The following TULP4 variants were observed in gnomAD, a reference collection of about 807,000 sequenced individuals.
TULP4 encodes the protein TUB like protein 4, also known as tubby-related protein 4.
Under a neutral mutation model 129.0 loss-of-function variants are expected in TULP4, and 16 were observed. The observed-to-expected ratio is 0.12, with a 90% CI of 0.08 to 0.19. The LOEUF (loss-of-function observed/expected upper bound fraction) is 0.19, where lower values mean the gene tolerates loss of function less well. Ranked by LOEUF, TULP4 falls within the 10% of genes least tolerant of loss-of-function variation. The pLI, the probability that TULP4 is intolerant of heterozygous loss-of-function variation, is 1.00. For missense variants in TULP4, 1,842 were observed against 2,059.1 expected (o/e 0.89, Z 2.04); for synonymous variants, 998 against 854.0 (o/e 1.17, Z -2.94).
chr6:158,443,068 C>T (rs572844591), intron 3 of TULP4, among the ~76,000 whole-genome samples: 1 of 152,234 alleles, frequency 6.6e-6, no homozygotes, highest in Admixed American at 6.5e-5. Context: ...ACTGCAACCT[C>T]CGCCTCCTGG....
intron 1 of TULP4, among the ~76,000 whole-genome samples, chr6:158,294,353 A>C (rs1198090264): frequency 6.6e-6 from 1 of 150,940 alleles, no homozygotes; most frequent in Admixed American, 6.6e-5. Flanking sequence ...ACAGAGCAAG[A>C]CTCCATCTCA....
At chr6:158,347,476 C>T (rs978635893) in intron 1 of TULP4, among the ~76,000 whole-genome samples, 7 of 152,220 alleles carry the variant, frequency 4.6e-5, no homozygotes, top group Non-Finnish European at 8.8e-5. Context: ...TTCTTTTAGT[C>T]CACATAACGG....
At chr6:158,411,463 A>C (rs964436183) in intron 1 of TULP4, among the ~76,000 whole-genome samples, 2 of 152,208 alleles carry the variant, frequency 1.3e-5, no homozygotes, top group African/African-American at 4.8e-5. Flanking sequence ...ACATCCATGC[A>C]AGGTGAGCCA....
At chr6:158,443,947 C>CGT (rs977040203) in intron 3 of TULP4, among the ~76,000 whole-genome samples, 2 of 151,958 alleles carry the variant, frequency 1.3e-5, no homozygotes, top group Non-Finnish European at 2.9e-5. Flanking sequence ...TGGCCGGGTG[C>CGT]GGTGGCTCAC....
chr6:158,429,851 T>TGGA lies in TULP4; in HGVS notation c.498_500dup (p.Glu167dup). 6.2e-7 allele frequency: 1 copy of TGGA among 1,614,076 alleles called. No homozygotes were observed. Among genetic ancestry groups the TGGA allele is most frequent in the Non-Finnish European group, 8.5e-7 (1 of 1,180,028 alleles). ...AGACACTGGTCATCCGAAATCAACTTGGAAAGTCAAATTACGTGTGGCATA... is the reference window on the plus strand; with the variant it reads ...AGACACTGGTCATCCGAAATCAACTTGGAGGAAAGTCAAATTACGTGTGGCATA... On this transcript the variant is annotated inframe_insertion, in exon 3 of 14. Coordinates refer to ENST00000367097, the MANE Select transcript of TULP4 (RefSeq NM_020245.5).
At chr6:158,429,199 C>T (rs992774230) in intron 2 of TULP4, among the ~76,000 whole-genome samples, 6 of 152,142 alleles carry the variant, frequency 3.9e-5, no homozygotes, top group African/African-American at 7.2e-5. Flanking sequence ...AGTGCAGTGG[C>T]GCTATCTTGG....
intron 6 of TULP4, among the ~76,000 whole-genome samples, chr6:158,466,447 T>TC (rs11397932): frequency 1 from 152,261 of 152,262 alleles, 76,130 homozygotes; most frequent in Non-Finnish European, 1. Context: ...GATTTGCATT[T>TC]CCTAAGGATT....
intron 6 of TULP4, among the ~76,000 whole-genome samples, chr6:158,468,284 T>C (rs1005138600): frequency 6.6e-6 from 1 of 152,240 alleles, no homozygotes; most frequent in African/African-American, 2.4e-5. Flanking sequence ...TAAACTACGC[T>C]GCCTTTCTTT....
intron 6 of TULP4, among the ~76,000 whole-genome samples, chr6:158,474,627 C>T (rs629364): frequency 0.42 from 63,570 of 152,060 alleles, 14,600 homozygotes; most frequent in African/African-American, 0.62. Context: ...TTTTACTTCA[C>T]GGAATTTCAC....
At chr6:158,328,691 CT>C (rs1487018103) in intron 1 of TULP4, among the ~76,000 whole-genome samples, 1 of 152,086 alleles carries the variant, frequency 6.6e-6, no homozygotes, top group Non-Finnish European at 1.5e-5. Context: ...GGAGGAGGGA[CT>C]TTTGCCACTA....
At chr6:158,349,059 G>A (rs763090033) in intron 1 of TULP4, among the ~76,000 whole-genome samples, 87 of 35,988 alleles carry the variant, frequency 2.4e-3, no homozygotes, top group East Asian at 2.9e-3. Flanking sequence ...CTTCCCAGAC[G>A]GGGCGGCCAG....
At chr6:158,346,670 G>A (rs1045825611) in intron 1 of TULP4, among the ~76,000 whole-genome samples, 1 of 152,142 alleles carries the variant, frequency 6.6e-6, no homozygotes, top group African/African-American at 2.4e-5. Flanking sequence ...TCAGTGTTTT[G>A]GGTTCTAAAG....
At chr6:158,329,779 C>G (rs941051273) in intron 1 of TULP4, among the ~76,000 whole-genome samples, 1 of 151,662 alleles carries the variant, frequency 6.6e-6, no homozygotes, top group Non-Finnish European at 1.5e-5. Flanking sequence ...TGCTTGTCTC[C>G]TAGGCCTTAA....
intron 1 of TULP4, among the ~76,000 whole-genome samples, chr6:158,347,818 T>C (rs1257865949): frequency 6.6e-6 from 1 of 152,240 alleles, no homozygotes; most frequent in East Asian, 1.9e-4. Context: ...CCACCTTTTT[T>C]ATCACTATTA....
At chr6:158,359,647 T>C (rs752220479) in intron 1 of TULP4, among the ~76,000 whole-genome samples, 1 of 152,184 alleles carries the variant, frequency 6.6e-6, no homozygotes, top group African/African-American at 2.4e-5. Context: ...AGGGTGGGTC[T>C]GCCTCTCCGA....
At chr6:158,316,564 C>T (rs1455976277) in intron 1 of TULP4, among the ~76,000 whole-genome samples, 2 of 152,202 alleles carry the variant, frequency 1.3e-5, no homozygotes, top group African/African-American at 4.8e-5. Flanking sequence ...ATTTCCCCCC[C>T]TCAACACACA....
Position 158,295,949 on chromosome 6 carries a change from G to A in TULP4, n.116+13571G>A, listed in dbSNP as rs528835269. Among the ~76,000 whole-genome samples, 310 of 152,134 alleles carry A rather than the reference G, an allele frequency of 2.0e-3. 1 individual carries two copies. Among genetic ancestry groups the A allele is most frequent in the African/African-American group, 7.1e-3 (294 of 41,468 alleles). ...CAACACACCTTTGTGTGCCTCTCCC[G>A]GCTCACAATAGCCACCCCCCAAATA... On this transcript the variant is annotated intron_variant and non_coding_transcript_variant, in intron 1 of 1. Transcript: ENST00000432358.
rs1379472061 is a variant in TULP4, at chr6:158,312,559, T to C, written c.-1458T>C. The C allele has an allele frequency of 6.5e-6, 1 of 154,962 alleles. No individual in the cohort carries two copies. Among genetic ancestry groups the C allele is most frequent in the African/African-American group, 2.4e-5 (1 of 41,606 alleles). 9.6% of individuals were successfully genotyped at this position (154,962 alleles called of 1,614,324 possible). On this transcript the variant is annotated 5_prime_UTR_variant, in exon 1 of 14. Coordinates refer to ENST00000367097, the MANE Select transcript of TULP4 (RefSeq NM_020245.5). ...TTAAAATTCTAGACTGAAAAGTAACTCCTACTGTGGTTATGGCTAGAGGAA... is the reference window on the plus strand; with the variant it reads ...TTAAAATTCTAGACTGAAAAGTAACCCCTACTGTGGTTATGGCTAGAGGAA...
intron 2 of TULP4, among the ~76,000 whole-genome samples, chr6:158,425,726 T>C (rs570727581): frequency 6.6e-6 from 1 of 151,856 alleles, no homozygotes; most frequent in African/African-American, 2.4e-5. Flanking sequence ...ATTTTAGCCT[T>C]CTGAGTAGCT....
Sources: gnomAD v4.1 joint callset for allele counts (sites outside exome capture counted in the v4.1 genomes callset) on GRCh38, gnomAD v4.1.1 for gene constraint, MANE v1.5 for transcripts, NCBI Gene and HGNC (gene_info 2026-07-23, HGNC 2026-07-21) for gene names.